Variants in DOCK2 observed in about 807,000 individuals in gnomAD.
DOCK2 encodes dedicator of cytokinesis 2.
Under a neutral mutation model 248.9 loss-of-function variants are expected in DOCK2, and 87 were observed. The observed-to-expected ratio is 0.35, with a 90% confidence interval of 0.29 to 0.42. The LOEUF (loss-of-function observed/expected upper bound fraction) is 0.42, where lower values mean the gene tolerates loss of function less well. Ranked by LOEUF, DOCK2 falls within the 10% of genes least tolerant of loss-of-function variation. The pLI is 1.00. For missense variants in DOCK2, 1,747 were observed against 2,300.2 expected, an observed-to-expected ratio of 0.76 and a Z score of 4.92; for synonymous variants, 805 against 821.6, an observed-to-expected ratio of 0.98 and a Z score of 0.35.
At chr5:169,740,343 A>G (rs1763247729) in intron 22 of DOCK2, among the ~76,000 whole-genome samples, 1 of 151,760 alleles carries the variant, frequency 6.6e-6, no homozygotes. Flanking sequence ...GTTTTTCTTC[A>G]GTGATTGCAT....
At chr5:169,714,260 G>GTGTGTGTATA (rs1387727205) in intron 18 of DOCK2, 49 bp downstream of exon 18, 1 of 1,604,226 alleles carries the variant, frequency 6.2e-7, no homozygotes. Flanking sequence ...GTGTGTCCGT[G>GTGTGTGTATA]TGTGTGTACA....
intron 26 of DOCK2, among the ~76,000 whole-genome samples, chr5:169,827,470 C>A (rs1396203016): frequency 6.6e-6 from 1 of 152,206 alleles, no homozygotes; most frequent in East Asian, 1.9e-4. Context: ...TAATAACCAG[C>A]TAAGCTAGGC....
At chr5:169,838,372 C>G (rs1031965850) in intron 26 of DOCK2, among the ~76,000 whole-genome samples, 1 of 152,156 alleles carries the variant, frequency 6.6e-6, no homozygotes, top group Non-Finnish European at 1.5e-5. Context: ...TTCATCTGAA[C>G]AATGGAGAGA....
At chr5:169,659,038 A>G (rs1758298217) in intron 2 of DOCK2, among the ~76,000 whole-genome samples, 1 of 143,242 alleles carries the variant, frequency 7.0e-6, no homozygotes, top group Non-Finnish European at 1.5e-5. Flanking sequence ...TATTATTGAG[A>G]TGGGGGTTTC....
chr5:169,912,204 C>T (rs1774634638), intron 27 of DOCK2, among the ~76,000 whole-genome samples: 3 of 152,008 alleles, frequency 2.0e-5, no homozygotes. Context: ...CAGTTATAGG[C>T]CAGGCTTTTA....
intron 27 of DOCK2, among the ~76,000 whole-genome samples, chr5:169,954,554 G>T (rs1464201127): frequency 6.6e-6 from 1 of 152,200 alleles, no homozygotes; most frequent in Non-Finnish European, 1.5e-5. Flanking sequence ...CAGAGCCTGG[G>T]TGCAGAAGGG....
At chr5:169,861,166 T>C (rs1428030939) in intron 27 of DOCK2, among the ~76,000 whole-genome samples, 1 of 152,212 alleles carries the variant, frequency 6.6e-6, no homozygotes, top group Non-Finnish European at 1.5e-5. Flanking sequence ...CTGAATCTGC[T>C]CTTTATTTAT....
At position 169,926,554 on chromosome 5, in the gene DOCK2, G is replaced by A. The variant is rs200469392; in HGVS notation, c.2800-56514G>A. 1.9e-4 allele frequency among the ~76,000 whole-genome samples: 29 copies of A among 152,294 alleles called. No homozygotes were observed. The East Asian group carries it at 4.8e-3, about 25-fold the overall frequency. On this transcript the variant is annotated intron_variant, in intron 27 of 51. Coordinates refer to ENST00000520908, the MANE Select transcript of DOCK2 (RefSeq NM_004946.3). ...TGAATCTGGGTGCCGCATGAGGCTGGAAGGTGGGGGCAGTGATGTGGCACA... is the reference window on the plus strand; with the variant it reads ...TGAATCTGGGTGCCGCATGAGGCTGAAAGGTGGGGGCAGTGATGTGGCACA...
chr5:169,706,799 A>T (rs1581068919), intron 14 of DOCK2, among the ~76,000 whole-genome samples: 2 of 152,228 alleles, frequency 1.3e-5, no homozygotes, highest in African/African-American at 2.4e-5. Flanking sequence ...GTCAATATTG[A>T]AACTGAGCTC....
intron 25 of DOCK2, among the ~76,000 whole-genome samples, chr5:169,787,919 G>A (rs1442506984): frequency 6.6e-6 from 1 of 151,484 alleles, no homozygotes; most frequent in African/African-American, 2.4e-5. Context: ...TAAATGCATT[G>A]TAATTGCCCA....
chr5:169,979,069 A>G (rs1299006391), intron 27 of DOCK2, among the ~76,000 whole-genome samples: 1 of 152,170 alleles, frequency 6.6e-6, no homozygotes. Context: ...ATTCCTAGGT[A>G]GTAAATATGT....
chr5:169,721,407 T>G (rs1022972800), intron 22 of DOCK2, among the ~76,000 whole-genome samples: 1 of 152,194 alleles, frequency 6.6e-6, no homozygotes, highest in East Asian at 1.9e-4. Context: ...TTGTTCTTTT[T>G]AGAATCTTTA....
At position 169,710,717 on chromosome 5, in the gene DOCK2, G is replaced by A. The variant is rs558536729; in HGVS notation, c.1483-1218G>A. 5.3e-5 allele frequency among the ~76,000 whole-genome samples: 8 copies of A among 152,238 alleles called. No individual in the cohort carries two copies. In the South Asian group the frequency reaches 1.7e-3, roughly 32 times the overall value. ...AGTGAGAGCTATTCAAACCCCAGCG[G>A]TTCTCCACTTATTACACATATTATT... On this transcript the variant is annotated intron_variant, in intron 15 of 51. Transcript: ENST00000520908.
intron 44 of DOCK2, among the ~76,000 whole-genome samples, chr5:170,065,664 AAG>A (rs1419470671): frequency 2.6e-5 from 4 of 152,314 alleles, no homozygotes; most frequent in Admixed American, 2.6e-4. Flanking sequence ...GCAGCAGGCA[AAG>A]AGAGAGCTTG....
intron 27 of DOCK2, among the ~76,000 whole-genome samples, chr5:169,932,216 G>C (rs961513600): frequency 2.6e-5 from 4 of 152,320 alleles, no homozygotes; most frequent in Middle Eastern, 3.4e-3. Flanking sequence ...CACACACACA[G>C]AGTAAGGAGG....
intron 22 of DOCK2, among the ~76,000 whole-genome samples, chr5:169,737,073 G>C (rs1202028141): frequency 6.6e-6 from 1 of 152,192 alleles, no homozygotes; most frequent in Non-Finnish European, 1.5e-5. Flanking sequence ...TGCATGTGAG[G>C]TGCCCTGGGA....
At chr5:169,962,793 G>A (rs1438592240) in intron 27 of DOCK2, among the ~76,000 whole-genome samples, 1 of 152,220 alleles carries the variant, frequency 6.6e-6, no homozygotes, top group East Asian at 1.9e-4. Context: ...TGCTGAGATG[G>A]CAAGTGTCAA....
intron 2 of DOCK2, among the ~76,000 whole-genome samples, chr5:169,661,975 G>A (rs573690072): frequency 1.5e-4 from 23 of 152,314 alleles, no homozygotes; most frequent in Admixed American, 5.2e-4. Context: ...TTGGATATAT[G>A]CCTTGAAGAG....
intron 47 of DOCK2, among the ~76,000 whole-genome samples, chr5:170,077,441 G>A (rs1043814052): frequency 6.6e-6 from 1 of 152,130 alleles, no homozygotes; most frequent in Non-Finnish European, 1.5e-5. Context: ...TATGGTCAAG[G>A]GGGCCACCAT....
Sources: allele counts gnomAD v4.1 joint callset (sites outside exome capture counted in the v4.1 genomes callset), GRCh38; gene constraint gnomAD v4.1.1; transcripts MANE v1.5; gene names NCBI Gene and HGNC (gene_info 2026-07-23, HGNC 2026-07-21).